ITGA9: variants seen among roughly 807,000 people sequenced by gnomAD.
ITGA9 encodes the protein integrin subunit alpha 9.
A neutral mutation model predicts 127.8 loss-of-function variants in ITGA9; 56 were observed. That is an observed-to-expected ratio of 0.44 (90% confidence interval 0.35 to 0.55). The LOEUF is 0.55. Ranked by LOEUF, ITGA9 falls within the 20% of genes least tolerant of loss-of-function variation. The pLI is 0.00. For synonymous variants in ITGA9, 508 were observed against 514.5 expected (o/e 0.99, Z 0.17); for missense variants, 1,196 against 1,347.1 (o/e 0.89, Z 1.76).
rs777656508 is a variant in ITGA9 at position 37,796,584 on chromosome 3, C to T, written c.2890-7239C>T. ...GACAGATGGATAGGTGGTGGATGGG[C>T]GGATGGACAGATGGATGGATGGCCA... On this transcript the variant is annotated intron_variant, in intron 26 of 27. Transcript: ENST00000264741. 5.3e-5 allele frequency among the ~76,000 whole-genome samples: 8 copies of T among 151,696 alleles called. No individual in the cohort carries two copies. In the East Asian group the frequency reaches 5.8e-4, roughly 11 times the overall value.
intron 25 of ITGA9, among the ~76,000 whole-genome samples, chr3:37,782,536 A>C (rs1002863355): frequency 2.0e-5 from 3 of 152,212 alleles, no homozygotes; most frequent in African/African-American, 7.2e-5. Context: ...TTTCAGCAGA[A>C]ACCAGGAGCA....
chr3:37,481,572 A>C lies in ITGA9; in HGVS notation c.509A>C (p.Gln170Pro), dbSNP rs1180010878. Residue 170 changes from glutamine (Q) to proline (P), a missense_variant, in exon 4 of 28, where the codon CAG (glutamine) becomes CCG (proline). Gln to Pro is a moderately conservative substitution (Grantham distance 76). Coordinates refer to ENST00000264741, the MANE Select transcript of ITGA9 (RefSeq NM_002207.3). ...GFCYIIPSNL[Q>P]AKGRTLIPCY... ...TGCTACATCATCCCCTCCAACCTCC[A>C]GGCCAAAGGCAGGACGCTGATCCCT... 1.9e-6 allele frequency: 3 copies of C among 1,614,142 alleles called. No individual in the cohort carries two copies. The South Asian group carries it at 3.3e-5, about 18-fold the overall frequency.
chr3:37,672,781 C>T (rs1184001782), intron 17 of ITGA9, among the ~76,000 whole-genome samples: 1 of 151,740 alleles, frequency 6.6e-6, no homozygotes, highest in East Asian at 1.9e-4. Flanking sequence ...AGTAGTTGGA[C>T]AGAAATACCA....
chr3:37,540,649 C>T (rs940190356), intron 14 of ITGA9, among the ~76,000 whole-genome samples: 4 of 152,172 alleles, frequency 2.6e-5, no homozygotes, highest in Non-Finnish European at 5.9e-5. Context: ...CTTTTGGGGC[C>T]TCAGTTCCCT....
intron 25 of ITGA9, among the ~76,000 whole-genome samples, chr3:37,782,767 G>A (rs758041062): frequency 2.4e-4 from 37 of 152,192 alleles, no homozygotes; most frequent in Non-Finnish European, 3.7e-4. Flanking sequence ...TCAAGATCTG[G>A]CCCCAGACAA....
intron 17 of ITGA9, among the ~76,000 whole-genome samples, chr3:37,658,239 A>G (rs1449970337): frequency 6.6e-6 from 1 of 152,116 alleles, no homozygotes; most frequent in Non-Finnish European, 1.5e-5. Context: ...AGTTCTGAAT[A>G]TCCTTGTTAG....
At chr3:37,720,443 A>C (rs536136182) in intron 18 of ITGA9, among the ~76,000 whole-genome samples, 1 of 152,348 alleles carries the variant, frequency 6.6e-6, no homozygotes, top group East Asian at 1.9e-4. Flanking sequence ...GAAAAGAGTG[A>C]TAGAAAATAA....
intron 23 of ITGA9, among the ~76,000 whole-genome samples, chr3:37,761,195 G>A (rs1696719515): frequency 6.6e-6 from 1 of 152,074 alleles, no homozygotes; most frequent in South Asian, 2.1e-4. Context: ...TCATTAAACT[G>A]GCAAAAATCT....
intron 27 of ITGA9, among the ~76,000 whole-genome samples, chr3:37,811,628 G>A (rs1697369721): frequency 6.6e-6 from 1 of 152,042 alleles, no homozygotes; most frequent in African/African-American, 2.4e-5. Flanking sequence ...AAACATACAG[G>A]CCACCACTCA....
chr3:37,616,505 A>G (rs1371338768), intron 15 of ITGA9, among the ~76,000 whole-genome samples: 2 of 152,126 alleles, frequency 1.3e-5, no homozygotes, highest in African/African-American at 4.8e-5. Context: ...GCTGAGTTCA[A>G]TTCCTGGATA....
At chr3:37,693,178 T>A (rs567647885) in intron 18 of ITGA9, among the ~76,000 whole-genome samples, 2 of 152,324 alleles carry the variant, frequency 1.3e-5, no homozygotes, top group East Asian at 3.9e-4. Flanking sequence ...TGAATTTGGC[T>A]AATAAGATGT....
intron 22 of ITGA9, chr3:37,748,434 C>T (rs986172473): frequency 1.0e-5 from 6 of 588,296 alleles, no homozygotes; most frequent in South Asian, 3.0e-5. Flanking sequence ...TCCTGAAACA[C>T]GTGAAGGAAA....
intron 17 of ITGA9, among the ~76,000 whole-genome samples, chr3:37,672,666 G>A (rs1700648383): frequency 6.6e-6 from 1 of 152,130 alleles, no homozygotes; most frequent in Non-Finnish European, 1.5e-5. Flanking sequence ...GGGATGAGGA[G>A]CATCCAATGG....
intron 18 of ITGA9, among the ~76,000 whole-genome samples, chr3:37,725,410 A>T (rs1261335381): frequency 6.6e-6 from 1 of 152,310 alleles, no homozygotes; most frequent in South Asian, 2.1e-4. Flanking sequence ...ATGCTGTTCA[A>T]ATGACAGGCC....
intron 23 of ITGA9, among the ~76,000 whole-genome samples, chr3:37,770,513 CAT>C (rs2125546979): frequency 1.3e-5 from 2 of 152,302 alleles, no homozygotes; most frequent in East Asian, 3.9e-4. Flanking sequence ...GAGCCTACAA[CAT>C]GGAAATGCCA....
chr3:37,694,146 C>T (rs972735642), intron 18 of ITGA9, among the ~76,000 whole-genome samples: 2 of 152,252 alleles, frequency 1.3e-5, no homozygotes, highest in African/African-American at 4.8e-5. Flanking sequence ...TGGAAGCCCA[C>T]TCGAGGCTCT....
At chr3:37,796,482 GATGGATGGATGGATGGATGA>G (rs1458718020) in intron 26 of ITGA9, among the ~76,000 whole-genome samples, 2 of 152,028 alleles carry the variant, frequency 1.3e-5, no homozygotes, top group Non-Finnish European at 2.9e-5. Context: ...TGGATGGATG[GATGGATGGATGGATGGATGA>G]ATGGATGGAT....
At chr3:37,541,283 T>C (rs1156576915) in intron 14 of ITGA9, among the ~76,000 whole-genome samples, 2 of 152,208 alleles carry the variant, frequency 1.3e-5, no homozygotes, top group African/African-American at 2.4e-5. Context: ...CCATCTTGCC[T>C]TGTCATTCCA....
At chr3:37,489,227 A>T (rs1698641823) in intron 4 of ITGA9, among the ~76,000 whole-genome samples, 1 of 152,220 alleles carries the variant, frequency 6.6e-6, no homozygotes, top group South Asian at 2.1e-4. Flanking sequence ...TTATCTATTC[A>T]TCTGTTTATA....
Sources: gnomAD v4.1 joint callset for allele counts (sites outside exome capture counted in the v4.1 genomes callset) on GRCh38, gnomAD v4.1.1 for gene constraint, MANE v1.5 for transcripts, NCBI Gene and HGNC (gene_info 2026-07-23, HGNC 2026-07-21) for gene names.